The following IL1R2 variants were observed in gnomAD, a reference collection of about 807,000 sequenced individuals.
IL1R2 encodes interleukin-1 receptor type 2.
IL1R2 carries 46 observed loss-of-function variants against 39.5 expected under a neutral mutation model. The observed-to-expected ratio is 1.16, with a 90% CI of 0.92 to 1.49. The LOEUF (loss-of-function observed/expected upper bound fraction) is 1.49, where lower values mean the gene tolerates loss of function less well. Among genes scored for constraint, IL1R2 ranks in the 40% most tolerant of loss-of-function variants. IL1R2 has a pLI of 0.00. For synonymous variants in IL1R2, 207 were observed against 189.6 expected, an observed-to-expected ratio of 1.09 and a Z score of -0.75; for missense variants, 537 against 502.0, an observed-to-expected ratio of 1.07 and a Z score of -0.67.
intron 5 of IL1R2, among the ~76,000 whole-genome samples, 189 bp downstream of exon 5, chr2:102,020,001 GTGT>G (rs1290420138): frequency 6.6e-6 from 1 of 152,200 alleles, no homozygotes; most frequent in Non-Finnish European, 1.5e-5. Flanking sequence ...ATAAATCAGG[GTGT>G]TGTTCTGAGA....
chr2:101,999,085 A>C (rs751900722), intron 1 of IL1R2: 14 of 152,458 alleles, frequency 9.2e-5, no homozygotes, highest in Non-Finnish European at 1.8e-4. Context: ...CAACAGAAAG[A>C]GCTTCTGAAG....
At chr2:102,008,392 C>G (rs573776034) in intron 1 of IL1R2, 123 bp from the exon 2 acceptor site, 109 of 600,084 alleles carry the variant, frequency 1.8e-4, no homozygotes, top group Middle Eastern at 4.5e-4. Context: ...TGTTCTTAAA[C>G]AGAGTAGGCC....
In IL1R2 at chr2:102,009,562, G is replaced by T; in HGVS notation, c.68G>T (p.Gly23Val). Residue 23 changes from glycine (G) to valine (V), a missense_variant and splice_region_variant, in exon 3 of 9, where the codon GGG becomes GTG. By Grantham distance (109) the Gly-to-Val change is moderately radical. Coordinates refer to ENST00000332549, the MANE Select transcript of IL1R2 (RefSeq NM_004633.4). ...AFTLQPAAHT[G>V]AARSCRFRGR... ...TGACCATGGGCTCTCTGTCCTTCAG[G>T]GGCTGCCAGAAGCTGCCGGTTTCGT... is the stretch of plus-strand genomic sequence containing the variant. 2 of 1,613,620 alleles carry T rather than the reference G, an allele frequency of 1.2e-6. No individual in the cohort carries two copies. Among genetic ancestry groups the T allele is most frequent in the Admixed American group, 3.3e-5 (2 of 60,010 alleles).
chr2:102,014,550 T>A (rs1187157663), intron 3 of IL1R2, among the ~76,000 whole-genome samples: 1 of 152,238 alleles, frequency 6.6e-6, no homozygotes, highest in Non-Finnish European at 1.5e-5. Context: ...TTTTCCCTTT[T>A]TAAGCTAAAT....
At chr2:102,024,428 G>A in intron 6 of IL1R2, 105 bp from the exon 7 acceptor site, 3 of 769,406 alleles carry the variant, frequency 3.9e-6, no homozygotes, top group South Asian at 1.5e-5. Context: ...AGAATTGGGT[G>A]GTGAGGGGTG....
intron 3 of IL1R2, among the ~76,000 whole-genome samples, chr2:102,011,298 T>G (rs1676615345): frequency 2.0e-5 from 3 of 152,246 alleles, no homozygotes; most frequent in Admixed American, 2.0e-4. Flanking sequence ...ATATTTAATT[T>G]TGAGGAACTA....
chr2:102,003,663 TGTGTCTGTGTCG>T (rs139646237), intron 1 of IL1R2, among the ~76,000 whole-genome samples: 1 of 132,528 alleles, frequency 7.5e-6, no homozygotes. Context: ...TGGCTGTGGC[TGTGTCTGTGTCG>T]GTGTCTGTGT....
Position 102,026,096 on chromosome 2 carries a change from G to GTT in IL1R2, c.888-9_888-8dup. 6.3e-7 allele frequency: 1 copy of GTT among 1,577,818 alleles called. No individual in the cohort carries two copies. Among genetic ancestry groups the GTT allele is most frequent in the Non-Finnish European group, 8.7e-7 (1 of 1,153,546 alleles). ...TCGATACAATCATAATTAAGTGAAT[G>GTT]TTTTTTTAACTCAGGGAATATTCAG... is the stretch of plus-strand genomic sequence containing the variant. On this transcript the variant is annotated splice_polypyrimidine_tract_variant and intron_variant, in intron 7 of 8. Coordinates refer to ENST00000332549, the MANE Select transcript of IL1R2 (RefSeq NM_004633.4).
At chr2:101,998,019 T>C (rs1324531415) in intron 1 of IL1R2, among the ~76,000 whole-genome samples, 6 of 152,196 alleles carry the variant, frequency 3.9e-5, no homozygotes, top group African/African-American at 1.4e-4. Flanking sequence ...CTTTGCTCTC[T>C]CCCTTTCCTG....
chr2:102,003,524 GTC>G (rs2150425128), intron 1 of IL1R2, among the ~76,000 whole-genome samples: 1 of 116,824 alleles, frequency 8.6e-6, no homozygotes, highest in South Asian at 3.3e-4. Flanking sequence ...TGTGTCCCAT[GTC>G]TGTGTCTGTG....
chr2:102,008,939 G>T (rs1676445248), intron 2 of IL1R2, among the ~76,000 whole-genome samples: 2 of 151,390 alleles, frequency 1.3e-5, no homozygotes, highest in Admixed American at 1.3e-4. Flanking sequence ...GAGGTGAGAG[G>T]AGTGCTTGAA....
In IL1R2 at chr2:102,008,560, G is replaced by A. The variant is rs528462609; in HGVS notation, c.-16G>A. 6 of 1,613,068 alleles carry A rather than the reference G, an allele frequency of 3.7e-6. No individual in the cohort carries two copies. In the East Asian group the frequency reaches 8.9e-5, roughly 24 times the overall value. ...AGTCCTCCACTTCCCGTGTCCTCTGGAAGTTGTCAGGAGCAATGTTGCGCT... is the reference window on the plus strand; with the variant it reads ...AGTCCTCCACTTCCCGTGTCCTCTGAAAGTTGTCAGGAGCAATGTTGCGCT... On this transcript the variant is annotated 5_prime_UTR_variant, in exon 2 of 9. Coordinates refer to ENST00000332549, the MANE Select transcript of IL1R2 (RefSeq NM_004633.4).
intron 5 of IL1R2, among the ~76,000 whole-genome samples, chr2:102,020,175 T>C (rs1355190697): frequency 1.3e-5 from 2 of 152,222 alleles, no homozygotes; most frequent in Admixed American, 6.5e-5. Context: ...TGTAACTTTA[T>C]GTTCAATTTT....
chr2:102,021,711 C>T (rs1016192166), intron 5 of IL1R2, among the ~76,000 whole-genome samples: 3 of 152,222 alleles, frequency 2.0e-5, no homozygotes, highest in Non-Finnish European at 4.4e-5. Context: ...GTGGCCGAGG[C>T]CAGGTTACAC....
intron 1 of IL1R2, among the ~76,000 whole-genome samples, chr2:102,006,497 G>C (rs1382329717): frequency 6.6e-6 from 1 of 152,174 alleles, no homozygotes; most frequent in East Asian, 1.9e-4. Context: ...GGTTTCTGGA[G>C]TGCGAGGGTC....
At chr2:102,022,343 AC>A in intron 6 of IL1R2, 94 bp downstream of exon 6, 1 of 1,024,556 alleles carries the variant, frequency 9.8e-7, no homozygotes, top group Non-Finnish European at 1.5e-6. Context: ...TGCTGATCAT[AC>A]CTGCTCCTTG....
intron 3 of IL1R2, among the ~76,000 whole-genome samples, chr2:102,014,052 G>A (rs535920045): frequency 3.9e-5 from 6 of 152,254 alleles, no homozygotes; most frequent in South Asian, 4.2e-4. Context: ...TTTCTTTTGA[G>A]TTATTTTTAT....
At chr2:102,008,889 G>A (rs750337399) in intron 2 of IL1R2, among the ~76,000 whole-genome samples, 1 of 150,598 alleles carries the variant, frequency 6.6e-6, no homozygotes, top group African/African-American at 2.4e-5. Flanking sequence ...GTAGTTGGGC[G>A]TGGTGGTGCG....
chr2:102,026,425 G>C (rs1677753268), intron 8 of IL1R2, among the ~76,000 whole-genome samples, 172 bp downstream of exon 8: 1 of 152,184 alleles, frequency 6.6e-6, no homozygotes, highest in African/African-American at 2.4e-5. Context: ...TGGTAGGGTG[G>C]AGGCTGGACT....
Sources: gnomAD v4.1 joint callset for allele counts (sites outside exome capture counted in the v4.1 genomes callset) on GRCh38, gnomAD v4.1.1 for gene constraint, MANE v1.5 for transcripts, NCBI Gene and HGNC (gene_info 2026-07-23, HGNC 2026-07-21) for gene names.